NPAS2: variants seen among roughly 807,000 people sequenced by gnomAD.
NPAS2 encodes the protein neuronal PAS domain protein 2.
NPAS2 carries 23 observed loss-of-function variants against 107.5 expected under a neutral mutation model. The observed-to-expected ratio is 0.21, with a 90% CI of 0.15 to 0.30. The LOEUF is 0.30. Among genes scored for constraint, NPAS2 ranks in the 10% least tolerant of loss-of-function variants. The probability of loss-of-function intolerance (pLI) is 1.00; values close to 1 mark genes in which losing one functional copy is unlikely to be tolerated. For synonymous variants in NPAS2, 403 were observed against 417.5 expected, an observed-to-expected ratio of 0.97 and a Z score of 0.42; for missense variants, 756 against 1,043.3, an observed-to-expected ratio of 0.72 and a Z score of 3.79.
chr2:100,826,699 TA>T (rs1234030290), intron 1 of NPAS2, among the ~76,000 whole-genome samples: 2 of 136,774 alleles, frequency 1.5e-5, no homozygotes, highest in African/African-American at 3.5e-5. Flanking sequence ...CAAGATTTTC[TA>T]GGTCAGGGAT....
intron 20 of NPAS2, 102 bp downstream of exon 20, chr2:100,993,629 G>T: frequency 2.1e-6 from 2 of 939,736 alleles, no homozygotes; most frequent in Non-Finnish European, 3.0e-6. Context: ...TTTCAAGGTT[G>T]TTCTATCCCT....
intron 1 of NPAS2, chr2:100,878,303 G>A: frequency 1.0e-6 from 1 of 985,444 alleles, no homozygotes; most frequent in African/African-American, 1.7e-5. Flanking sequence ...AGCATTCCCT[G>A]ACATTTCTGC....
chr2:100,903,755 C>G (rs944530134), intron 1 of NPAS2, among the ~76,000 whole-genome samples: 10 of 152,260 alleles, frequency 6.6e-5, no homozygotes, highest in African/African-American at 2.2e-4. Context: ...ACTCCCACAG[C>G]TGGCATTGGC....
At chr2:100,849,169 G>A (rs1164025856) in intron 1 of NPAS2, among the ~76,000 whole-genome samples, 1 of 152,242 alleles carries the variant, frequency 6.6e-6, no homozygotes, top group Non-Finnish European at 1.5e-5. Flanking sequence ...GGAAGCATCT[G>A]TCAGACCAGA....
chr2:100,861,450 C>T lies in NPAS2; in HGVS notation c.-23+41036C>T, dbSNP rs75803056. On this transcript the variant is annotated intron_variant, in intron 1 of 20. Transcript: ENST00000335681. The stretch of plus-strand genomic sequence containing the variant: ...GTGATGGGTGGGATGTCGGGGAGAA[C>T]AGAGGTGTCCTTTTCTGACAAAAGA... Among the ~76,000 whole-genome samples, 881 of 152,060 alleles carry T rather than the reference C, an allele frequency of 5.8e-3. 51 individuals are homozygous for T. In the East Asian group the frequency reaches 0.14, roughly 23 times the overall value.
intron 1 of NPAS2, among the ~76,000 whole-genome samples, chr2:100,887,812 G>C (rs1558841844): frequency 1.3e-5 from 2 of 152,114 alleles, no homozygotes; most frequent in African/African-American, 2.4e-5. Context: ...GCCTGGGCTG[G>C]TGCCGGCACC....
At chr2:100,992,898 TGTTG>T in intron 19 of NPAS2, among the ~76,000 whole-genome samples, 1 of 101,618 alleles carries the variant, frequency 9.8e-6, no homozygotes, top group East Asian at 2.6e-4. Context: ...CTGTTGATAG[TGTTG>T]ATAGTGTCTT....
At chr2:100,973,995 C>T (rs180733250) in intron 12 of NPAS2, among the ~76,000 whole-genome samples, 5 of 152,344 alleles carry the variant, frequency 3.3e-5, no homozygotes, top group Admixed American at 2.6e-4. Flanking sequence ...GCGCCTGCCA[C>T]CACGTCCAGC....
chr2:100,909,923 G>A (rs1682435867), intron 2 of NPAS2, among the ~76,000 whole-genome samples: 1 of 152,094 alleles, frequency 6.6e-6, no homozygotes, highest in Admixed American at 6.5e-5. Context: ...AGTAAACGAT[G>A]GAATGGAAAA....
At chr2:100,888,407 G>A (rs2104678633) in intron 1 of NPAS2, among the ~76,000 whole-genome samples, 1 of 152,196 alleles carries the variant, frequency 6.6e-6, no homozygotes, top group Non-Finnish European at 1.5e-5. Flanking sequence ...CGCTAGTAGG[G>A]TAGAAAGTGT....
chr2:100,991,975 C>T (rs900225882), intron 19 of NPAS2, among the ~76,000 whole-genome samples: 3 of 152,130 alleles, frequency 2.0e-5, no homozygotes, highest in African/African-American at 4.8e-5. Flanking sequence ...ACTTTCTGGC[C>T]CTCCCTTTGG....
At position 100,976,508 on chromosome 2, in the gene NPAS2, T is replaced by C. The variant is rs1677020186; in HGVS notation, c.1392+941T>C. ...CATGAAGAGGGATATAGACCTCCACTTCTAGACGGGAGAAGTACCCAGGAA... is the reference window on the plus strand; with the variant it reads ...CATGAAGAGGGATATAGACCTCCACCTCTAGACGGGAGAAGTACCCAGGAA... On this transcript the variant is annotated intron_variant, in intron 14 of 20. Coordinates refer to ENST00000335681, the MANE Select transcript of NPAS2 (RefSeq NM_002518.4). This position sits in a 1 kb window ranked among gnomAD's most constrained non-coding sequence, Gnocchi z 4.1. Among the ~76,000 whole-genome samples the C allele has an allele frequency of 6.6e-6, 1 of 151,988 alleles. No individual in the cohort carries two copies. Among genetic ancestry groups the C allele is most frequent in the South Asian group, 2.1e-4 (1 of 4,806 alleles).
chr2:100,832,343 A>G (rs1338733096), intron 1 of NPAS2, among the ~76,000 whole-genome samples: 1 of 152,100 alleles, frequency 6.6e-6, no homozygotes, highest in Non-Finnish European at 1.5e-5. Flanking sequence ...ATTTCTGTAG[A>G]GACCTGCTCC....
intron 1 of NPAS2, among the ~76,000 whole-genome samples, chr2:100,847,563 G>A (rs1424087072): frequency 1.3e-5 from 2 of 152,014 alleles, no homozygotes; most frequent in Admixed American, 1.3e-4. Flanking sequence ...GTAGAGACGG[G>A]GTTTCACCAT....
At chr2:100,881,059 C>T (rs755500951) in intron 1 of NPAS2, among the ~76,000 whole-genome samples, 3 of 152,210 alleles carry the variant, frequency 2.0e-5, no homozygotes, top group Non-Finnish European at 1.5e-5. Context: ...GAAAGCCACA[C>T]TTGGGCCCCA....
rs1674592222 is a variant in NPAS2, at chr2:100,941,783, C to A, written c.363+3941C>A. ...GAATGGGGAAAGAGTACGGCTGAGGCAGAACCAAATGAGAGACCAAAAGTA... is the reference window on the plus strand; with the variant it reads ...GAATGGGGAAAGAGTACGGCTGAGGAAGAACCAAATGAGAGACCAAAAGTA... On this transcript the variant is annotated intron_variant, in intron 5 of 20. Transcript: ENST00000335681. 2.0e-5 allele frequency among the ~76,000 whole-genome samples: 3 copies of A among 152,086 alleles called. No individual in the cohort carries two copies. In the South Asian group the frequency reaches 6.2e-4, roughly 32 times the overall value.
chr2:100,903,507 A>G (rs1295521398), intron 1 of NPAS2, among the ~76,000 whole-genome samples: 1 of 152,230 alleles, frequency 6.6e-6, no homozygotes, highest in African/African-American at 2.4e-5. Flanking sequence ...CCAAAATCAC[A>G]AAACTAAATG....
chr2:100,872,800 G>C (rs1679659684), intron 1 of NPAS2, among the ~76,000 whole-genome samples: 1 of 152,010 alleles, frequency 6.6e-6, no homozygotes, highest in African/African-American at 2.4e-5. Flanking sequence ...TGTTTACCAA[G>C]ACTCAGCATC....
At chr2:100,854,011 G>A (rs896360312) in intron 1 of NPAS2, among the ~76,000 whole-genome samples, 4 of 151,146 alleles carry the variant, frequency 2.6e-5, no homozygotes, top group Non-Finnish European at 4.4e-5. Context: ...TTAGCAGGGC[G>A]TGGTGACATG....
Sources: allele counts gnomAD v4.1 joint callset (sites outside exome capture counted in the v4.1 genomes callset), GRCh38; gene constraint gnomAD v4.1.1; non-coding constraint Gnocchi (gnomAD v3.1); transcripts MANE v1.5; gene names NCBI Gene and HGNC (gene_info 2026-07-23, HGNC 2026-07-21).